The following CNTNAP5 variants were observed in gnomAD, a reference collection of about 807,000 sequenced individuals.
CNTNAP5 encodes the protein contactin-associated protein-like 5.
Under a neutral mutation model 150.2 loss-of-function variants are expected in CNTNAP5, and 72 were observed. That is an observed-to-expected ratio of 0.48 (90% CI 0.40 to 0.58). The LOEUF (loss-of-function observed/expected upper bound fraction) is 0.58. Ranked by LOEUF, CNTNAP5 falls within the 20% of genes least tolerant of loss-of-function variation. CNTNAP5 has a pLI of 0.00. For synonymous variants in CNTNAP5, 672 were observed against 619.8 expected (o/e 1.08, Z -1.25); for missense variants, 1,636 against 1,626.2 (o/e 1.01, Z -0.10).
intron 11 of CNTNAP5, among the ~76,000 whole-genome samples, chr2:124,576,797 A>C: frequency 6.6e-6 from 1 of 152,118 alleles, no homozygotes; most frequent in East Asian, 1.9e-4. Context: ...TATGTCTTAA[A>C]ATTTTTTAAT....
chr2:124,331,495 T>C (rs1290082119), intron 3 of CNTNAP5, among the ~76,000 whole-genome samples: 1 of 152,072 alleles, frequency 6.6e-6, no homozygotes, highest in Non-Finnish European at 1.5e-5. Flanking sequence ...ATTGGTTTGT[T>C]ATCTCTGTTT....
intron 10 of CNTNAP5, among the ~76,000 whole-genome samples, chr2:124,553,737 C>A (rs1015071216): frequency 6.6e-6 from 1 of 152,028 alleles, no homozygotes; most frequent in African/African-American, 2.4e-5. Context: ...AATCTAAAAC[C>A]TGTTATTTTC....
chr2:124,419,152 A>AAAAAAAAAAAAAAAAAAAC (rs772412223), intron 4 of CNTNAP5, among the ~76,000 whole-genome samples: 1 of 120,996 alleles, frequency 8.3e-6, no homozygotes, highest in Non-Finnish European at 1.8e-5. Context: ...AAAAAAAAAA[A>AAAAAAAAAAAAAAAAAAAC]AAAAAAAAAA....
chr2:124,182,302 A>T (rs1419013861), intron 1 of CNTNAP5, among the ~76,000 whole-genome samples: 1 of 152,172 alleles, frequency 6.6e-6, no homozygotes, highest in Non-Finnish European at 1.5e-5. Flanking sequence ...TGAAAAAATG[A>T]TTAGTCTACA....
intron 12 of CNTNAP5, among the ~76,000 whole-genome samples, chr2:124,622,096 C>A (rs1160343233): frequency 6.6e-6 from 1 of 152,056 alleles, no homozygotes; most frequent in Non-Finnish European, 1.5e-5. Flanking sequence ...ATTAGCTATT[C>A]TTCCTGATGC....
chr2:124,871,685 G>T (rs939653643), intron 21 of CNTNAP5, among the ~76,000 whole-genome samples: 2 of 152,092 alleles, frequency 1.3e-5, no homozygotes, highest in African/African-American at 4.8e-5. Context: ...TATTGAAGGT[G>T]CTCTGACCAC....
chr2:124,166,561 C>CA (rs1684813800), intron 1 of CNTNAP5, among the ~76,000 whole-genome samples: 2 of 152,126 alleles, frequency 1.3e-5, no homozygotes, highest in Non-Finnish European at 2.9e-5. Context: ...TTCTGTTATA[C>CA]CTTGTTCTCT....
At chr2:124,569,765 C>T (rs1696110637) in intron 11 of CNTNAP5, among the ~76,000 whole-genome samples, 1 of 152,150 alleles carries the variant, frequency 6.6e-6, no homozygotes, top group Non-Finnish European at 1.5e-5. Context: ...TCTTCCAAGC[C>T]TGATGTAGTG....
At chr2:124,631,334 G>T (rs1477349447) in intron 12 of CNTNAP5, among the ~76,000 whole-genome samples, 1 of 152,084 alleles carries the variant, frequency 6.6e-6, no homozygotes, top group Non-Finnish European at 1.5e-5. Flanking sequence ...ATACTACAAG[G>T]CTGTAGTAAA....
Position 124,122,663 on chromosome 2 carries a change from G to T in CNTNAP5, c.82+96931G>T, listed in dbSNP as rs544018575. ...CAAGTCACAGAGCTTCGATTTACTGGATGCTTATTGTGTGCCAGATCCCTT... is the reference window on the plus strand; with the variant it reads ...CAAGTCACAGAGCTTCGATTTACTGTATGCTTATTGTGTGCCAGATCCCTT... On this transcript the variant is annotated intron_variant, in intron 1 of 23. Coordinates refer to ENST00000682447, the MANE Select transcript of CNTNAP5 (RefSeq NM_001367498.1). Among the ~76,000 whole-genome samples, 58 of 152,086 alleles carry T rather than the reference G, an allele frequency of 3.8e-4. 1 individual carries two copies. Among genetic ancestry groups the T allele is most frequent in the Non-Finnish European group, 7.4e-4 (50 of 68,000 alleles).
intron 11 of CNTNAP5, among the ~76,000 whole-genome samples, chr2:124,588,512 A>T (rs1696607351): frequency 6.6e-6 from 1 of 152,032 alleles, no homozygotes; most frequent in Non-Finnish European, 1.5e-5. Context: ...GCCTTGCCGT[A>T]TCTTTACATA....
chr2:124,582,773 A>G (rs1237761595), intron 11 of CNTNAP5, among the ~76,000 whole-genome samples: 1 of 152,232 alleles, frequency 6.6e-6, no homozygotes, highest in Non-Finnish European at 1.5e-5. Context: ...ACAATACCAC[A>G]GATATTTGCA....
intron 1 of CNTNAP5, among the ~76,000 whole-genome samples, chr2:124,050,559 C>T (rs180898534): frequency 1.3e-5 from 2 of 152,156 alleles, no homozygotes; most frequent in East Asian, 3.9e-4. Flanking sequence ...ATATCTACTC[C>T]ACTTCTGCAC....
At chr2:124,066,554 C>T (rs752250926) in intron 1 of CNTNAP5, among the ~76,000 whole-genome samples, 5 of 151,994 alleles carry the variant, frequency 3.3e-5, no homozygotes, top group South Asian at 2.1e-4. Flanking sequence ...TTGGGACCTT[C>T]GATGTGAAGA....
chr2:124,510,279 C>CTATATATCTATATATCTATATATA (rs1238288039), intron 8 of CNTNAP5, among the ~76,000 whole-genome samples: 3 of 70,994 alleles, frequency 4.2e-5, no homozygotes, highest in African/African-American at 1.6e-4. Flanking sequence ...ATATCTATAT[C>CTATATATCTATATATCTATATATA]TATATCTATA....
intron 13 of CNTNAP5, among the ~76,000 whole-genome samples, chr2:124,674,332 C>T (rs1184801582): frequency 2.7e-5 from 4 of 149,964 alleles, no homozygotes; most frequent in Non-Finnish European, 4.5e-5. Context: ...ACCATCCTTC[C>T]CTCCTTCCCT....
chr2:124,706,751 A>G (rs918703431), intron 13 of CNTNAP5, among the ~76,000 whole-genome samples: 10 of 20,274 alleles, frequency 4.9e-4, no homozygotes, highest in African/African-American at 2.4e-3. Context: ...TGTTTCAAGA[A>G]GAAGAAGAAG....
At chr2:124,184,925 A>G (rs184184012) in intron 1 of CNTNAP5, among the ~76,000 whole-genome samples, 10 of 152,314 alleles carry the variant, frequency 6.6e-5, no homozygotes, top group Non-Finnish European at 7.4e-5. Context: ...AACATAGGAA[A>G]CAAAGACCCA....
At chr2:124,644,302 C>T (rs1440939772) in intron 12 of CNTNAP5, among the ~76,000 whole-genome samples, 1 of 152,132 alleles carries the variant, frequency 6.6e-6, no homozygotes, top group Non-Finnish European at 1.5e-5. Flanking sequence ...GCATTAACAC[C>T]TGACCTTTCA....
Sources: allele counts gnomAD v4.1 joint callset (sites outside exome capture counted in the v4.1 genomes callset), GRCh38; gene constraint gnomAD v4.1.1; transcripts MANE v1.5; gene names NCBI Gene and HGNC (gene_info 2026-07-23, HGNC 2026-07-21).